Variants in GOLM2 observed in about 807,000 individuals in gnomAD.
GOLM2 encodes the protein protein GOLM2.
A neutral mutation model predicts 55.9 loss-of-function variants in GOLM2; 26 were observed. The ratio of observed to expected loss-of-function variants is 0.47; its 90% CI spans 0.34 to 0.65. The LOEUF (loss-of-function observed/expected upper bound fraction) is 0.65. Ranked by LOEUF, GOLM2 falls within the 30% of genes least tolerant of loss-of-function variation. The pLI is 0.01. For missense variants in GOLM2, 486 were observed against 531.8 expected, an observed-to-expected ratio of 0.91 and a Z score of 0.85; for synonymous variants, 165 against 194.6, an observed-to-expected ratio of 0.85 and a Z score of 1.27.
intron 8 of GOLM2, among the ~76,000 whole-genome samples, chr15:44,394,915 C>T (rs1223404852): frequency 6.6e-6 from 1 of 152,100 alleles, no homozygotes; most frequent in East Asian, 1.9e-4. Flanking sequence ...CTTAAACTTT[C>T]CTTTTCATTC....
chr15:44,338,438 T>G (rs1469053463), intron 6 of GOLM2, 121 bp downstream of exon 6: 4 of 705,170 alleles, frequency 5.7e-6, no homozygotes, highest in Non-Finnish European at 9.2e-6. Flanking sequence ...ATATTTCTAC[T>G]TAATTAAGTA....
intron 1 of GOLM2, among the ~76,000 whole-genome samples, chr15:44,296,204 C>A (rs1462605555): frequency 6.6e-6 from 1 of 152,158 alleles, no homozygotes; most frequent in East Asian, 1.9e-4. Context: ...CAGGTGTGCA[C>A]CACTGTGCTT....
At position 44,415,722 on chromosome 15, in the gene GOLM2, A is replaced by C. The variant is rs776515978; in HGVS notation, c.*2316A>C. 1 of 152,510 alleles carries C rather than the reference A, an allele frequency of 6.6e-6. No homozygotes were observed. The highest frequency in any genetic ancestry group is 1.5e-5 in the Non-Finnish European group (1 of 68,036). 9.4% of individuals were successfully genotyped at this position (152,510 alleles called of 1,614,324 possible). A position where few individuals can be genotyped will look rare whatever the true frequency, so the allele number is the denominator to read the frequency against. ...TGGAAACTCTGCTTTTAAAATCATC[A>C]TTTACTGGGTTCTAATAAATTAAAA... On this transcript the variant is annotated 3_prime_UTR_variant, in exon 10 of 10. Transcript: ENST00000299957.
intron 6 of GOLM2, among the ~76,000 whole-genome samples, chr15:44,356,949 T>C (rs1476226743): frequency 6.6e-6 from 1 of 152,054 alleles, no homozygotes; most frequent in Non-Finnish European, 1.5e-5. Flanking sequence ...GGTGGGCAAA[T>C]TGCTTGAGCT....
At chr15:44,393,669 G>A (rs537788510) in intron 8 of GOLM2, among the ~76,000 whole-genome samples, 1 of 152,214 alleles carries the variant, frequency 6.6e-6, no homozygotes, top group East Asian at 1.9e-4. Flanking sequence ...TGCCTAAGCT[G>A]GAATGCAGTG....
In GOLM2 at chr15:44,325,257, C is replaced by G. The variant is rs77918590; in HGVS notation, c.382+2238C>G. Among the ~76,000 whole-genome samples, 1,393 of 152,274 alleles carry G rather than the reference C, an allele frequency of 9.1e-3. 26 individuals are homozygous for G. The highest frequency in any genetic ancestry group is 0.05 in the South Asian group (241 of 4,826). On this transcript the variant is annotated intron_variant, in intron 2 of 9. Transcript: ENST00000299957. ...CCCACTGGAAATCACCAATTACCTCCCTGCTTTATGATCTTTCTCTGTATT... is the reference window on the plus strand; with the variant it reads ...CCCACTGGAAATCACCAATTACCTCGCTGCTTTATGATCTTTCTCTGTATT...
In GOLM2 at chr15:44,303,452, C is replaced by A. The variant is rs187833995; in HGVS notation, c.327+14096C>A. On this transcript the variant is annotated intron_variant, in intron 1 of 9. Coordinates refer to ENST00000299957, the MANE Select transcript of GOLM2 (RefSeq NM_138423.4). ...GAATAATATTTTATTCATTTAGAAA[C>A]TCAAAAATATTTTTCTGATTCAATT... Among the ~76,000 whole-genome samples, 260 of 152,154 alleles carry A rather than the reference C, an allele frequency of 1.7e-3. 2 individuals carry two copies. The highest frequency in any genetic ancestry group is 6.1e-3 in the African/African-American group (252 of 41,510).
At position 44,338,250 on chromosome 15, in the gene GOLM2, A is replaced by T. The variant is rs780659291; in HGVS notation, c.735A>T (p.Arg245Ser). 6.2e-6 allele frequency: 10 copies of T among 1,613,536 alleles called. No homozygotes were observed. The highest frequency in any genetic ancestry group is 1.1e-5 in the South Asian group (1 of 91,030). The part of the protein sequence containing the change: ...HIPHGKEQIK[R>S]GGDAGMPGIE... Reference sequence around the variant, plus strand: ...TTACTTGGGCAGAACAAATCAAAAGAGGTGGTGATGCAGGGATGCCTGGAA... The same window carrying T: ...TTACTTGGGCAGAACAAATCAAAAGTGGTGGTGATGCAGGGATGCCTGGAA... Residue 245 changes from arginine (R) to serine (S), a missense_variant, in exon 6 of 10, where the codon AGA becomes AGT. By Grantham distance (110) the Arg-to-Ser change is moderately radical. Coordinates refer to ENST00000299957, the MANE Select transcript of GOLM2 (RefSeq NM_138423.4).
intron 4 of GOLM2, among the ~76,000 whole-genome samples, chr15:44,337,529 A>G (rs192395504): frequency 6.6e-6 from 1 of 152,220 alleles, no homozygotes; most frequent in Admixed American, 6.5e-5. Context: ...ACCTCTGCCT[A>G]CCAAATCATT....
Position 44,337,745 on chromosome 15 carries a change from C to A in GOLM2, c.577-18C>A, listed in dbSNP as rs1305454607. 1.9e-6 allele frequency: 3 copies of A among 1,543,808 alleles called. No individual in the cohort carries two copies. Among genetic ancestry groups the A allele is most frequent in the East Asian group, 4.8e-5 (2 of 41,846 alleles). On this transcript the variant is annotated intron_variant, in intron 4 of 9. Transcript: ENST00000299957. ...CAATTTGAACTGAAAAATATTATTA[C>A]CAAATTTTGTCTAACAGCAAGAGAC...
chr15:44,404,760 C>T (rs1226092713), intron 9 of GOLM2, among the ~76,000 whole-genome samples: 2 of 152,008 alleles, frequency 1.3e-5, no homozygotes, highest in Non-Finnish European at 2.9e-5. Context: ...CCCCACAGTA[C>T]TTTGCACATC....
chr15:44,352,265 A>C (rs1037887993), intron 6 of GOLM2, among the ~76,000 whole-genome samples: 1 of 152,234 alleles, frequency 6.6e-6, no homozygotes, highest in African/African-American at 2.4e-5. Flanking sequence ...GAAACAGTTC[A>C]TACATCTACA....
chr15:44,289,297 C>T lies in GOLM2; in HGVS notation c.268C>T (p.Arg90Cys). 1.2e-6 allele frequency: 2 copies of T among 1,613,618 alleles called. No individual in the cohort carries two copies. The highest frequency in any genetic ancestry group is 2.2e-5 in the South Asian group (2 of 91,054). ...CGACCAGAAGGAGGCCGACTACGGC[C>T]GCCTCAGCAGCCGGCTGCAGGCCAG... ...QIDQKEADYGRLSSRLQAREG... is the reference protein window; with the variant it reads ...QIDQKEADYGCLSSRLQAREG... The change falls in exon 1 of 10, where the codon CGC becomes TGC. Residue 90 changes from arginine to cysteine, a missense_variant. By Grantham distance (180) the Arg-to-Cys change is radical. Transcript: ENST00000299957. This position sits in a 1 kb window ranked among gnomAD's most constrained non-coding sequence, Gnocchi z 4.8.
chr15:44,321,668 A>G (rs926293967), intron 1 of GOLM2, among the ~76,000 whole-genome samples: 1 of 152,078 alleles, frequency 6.6e-6, no homozygotes, highest in Non-Finnish European at 1.5e-5. Context: ...AGATGCACCC[A>G]TTGTGGGAAA....
chr15:44,324,782 C>A (rs1298345509), intron 2 of GOLM2, among the ~76,000 whole-genome samples: 1 of 151,786 alleles, frequency 6.6e-6, no homozygotes, highest in Non-Finnish European at 1.5e-5. Context: ...TGGCCCCAGG[C>A]AACCCATTTC....
At chr15:44,338,750 G>A (rs777988354) in intron 6 of GOLM2, among the ~76,000 whole-genome samples, 2 of 152,202 alleles carry the variant, frequency 1.3e-5, no homozygotes, top group Admixed American at 6.5e-5. Flanking sequence ...GGCTTGGCTT[G>A]TCCTTTTAGT....
chr15:44,396,200 C>CA (rs1253331084), intron 8 of GOLM2, among the ~76,000 whole-genome samples: 1 of 151,272 alleles, frequency 6.6e-6, no homozygotes, highest in Non-Finnish European at 1.5e-5. Flanking sequence ...ACTAAAAATG[C>CA]AAAAAAAATT....
intron 8 of GOLM2, among the ~76,000 whole-genome samples, chr15:44,381,888 A>G (rs2079405689): frequency 6.6e-6 from 1 of 152,104 alleles, no homozygotes; most frequent in Non-Finnish European, 1.5e-5. Flanking sequence ...CCTGGGCTGA[A>G]GTGATCCTCC....
chr15:44,368,959 T>A (rs1047294479), intron 6 of GOLM2, among the ~76,000 whole-genome samples: 2 of 147,284 alleles, frequency 1.4e-5, no homozygotes, highest in Non-Finnish European at 3.0e-5. Flanking sequence ...TGTCTTCTTT[T>A]AAAGGGTGTT....
Sources: allele counts gnomAD v4.1 joint callset (sites outside exome capture counted in the v4.1 genomes callset), GRCh38; gene constraint gnomAD v4.1.1; non-coding constraint Gnocchi (gnomAD v3.1); transcripts MANE v1.5; gene names NCBI Gene and HGNC (gene_info 2026-07-23, HGNC 2026-07-21).